PIP5K1B: variants seen among roughly 807,000 people sequenced by gnomAD.
The protein encoded by PIP5K1B is phosphatidylinositol 4-phosphate 5-kinase type-1 beta.
In PIP5K1B, 42 loss-of-function variants were observed where a neutral mutation model predicts 67.0. The ratio of observed to expected loss-of-function variants is 0.63; its 90% CI spans 0.49 to 0.81. The LOEUF is 0.81. Among genes scored for constraint, PIP5K1B ranks in the 30% least tolerant of loss-of-function variants. PIP5K1B has a pLI of 0.00. For missense variants in PIP5K1B, 459 were observed against 646.3 expected, an observed-to-expected ratio of 0.71 and a Z score of 3.14; for synonymous variants, 214 against 231.4, an observed-to-expected ratio of 0.92 and a Z score of 0.68.
intron 8 of PIP5K1B, among the ~76,000 whole-genome samples, chr9:68,901,042 C>CT (rs1230740691): frequency 6.6e-6 from 1 of 151,984 alleles, no homozygotes; most frequent in Non-Finnish European, 1.5e-5. Flanking sequence ...AGTTTATTTT[C>CT]TTTTTTTGAT....
At position 68,705,654 on chromosome 9, in the gene PIP5K1B, C is replaced by CCCCT. The variant is rs1827090310; in HGVS notation, c.-350_-349insCCTC. The CCCCT allele has an allele frequency of 6.8e-6, 1 of 147,756 alleles. No individual in the cohort carries two copies. Among genetic ancestry groups the CCCCT allele is most frequent in the Non-Finnish European group, 1.5e-5 (1 of 66,280 alleles). The allele number at this position is 147,756 out of a possible 1,614,324, so 9.2% of individuals were successfully genotyped here. The stretch of plus-strand genomic sequence containing the variant: ...CCCCTCCCGCCCCTCCCGCCCCTCG[C>CCCCT]CTGCACTGCTCTCCCTTCGCTGTGG... On this transcript the variant is annotated 5_prime_UTR_variant, in exon 1 of 16. Coordinates refer to ENST00000265382, the MANE Select transcript of PIP5K1B (RefSeq NM_003558.4).
intron 5 of PIP5K1B, among the ~76,000 whole-genome samples, chr9:68,868,586 C>A (rs561608291): frequency 6.6e-6 from 1 of 152,250 alleles, no homozygotes; most frequent in South Asian, 2.1e-4. Flanking sequence ...AATGGTATTT[C>A]TGCTTTATTG....
rs552879974 is a variant in PIP5K1B, at chr9:68,888,529, G to A, written c.319-452G>A. Among the ~76,000 whole-genome samples, 28 of 152,320 alleles carry A rather than the reference G, an allele frequency of 1.8e-4. No individual in the cohort carries two copies. In the South Asian group the frequency reaches 5.6e-3, roughly 30 times the overall value. ...CTGGGCTAGAGATACAGATGTTGAA[G>A]TCATCTCCTTGTTGAAACCATGAGT... On this transcript the variant is annotated intron_variant, in intron 6 of 15. Coordinates refer to ENST00000265382, the MANE Select transcript of PIP5K1B (RefSeq NM_003558.4).
intron 2 of PIP5K1B, among the ~76,000 whole-genome samples, chr9:68,777,324 C>T (rs75363496): frequency 7.6e-4 from 116 of 152,210 alleles, no homozygotes; most frequent in South Asian, 1.5e-3. Context: ...TAACAGAGAA[C>T]AAAACAAAGG....
intron 1 of PIP5K1B, among the ~76,000 whole-genome samples, chr9:68,718,559 C>T (rs933107131): frequency 2.2e-4 from 34 of 152,270 alleles, no homozygotes; most frequent in African/African-American, 7.5e-4. Flanking sequence ...CTATGCAGAA[C>T]CTTTGGGCAG....
At chr9:68,732,626 C>G (rs1186936399) in intron 1 of PIP5K1B, among the ~76,000 whole-genome samples, 4 of 152,182 alleles carry the variant, frequency 2.6e-5, no homozygotes, top group Non-Finnish European at 5.9e-5. Context: ...ATACGTGGGT[C>G]TGGTAAACAG....
At chr9:68,895,284 A>C (rs1170442893) in intron 8 of PIP5K1B, among the ~76,000 whole-genome samples, 2 of 152,052 alleles carry the variant, frequency 1.3e-5, no homozygotes, top group Non-Finnish European at 2.9e-5. Context: ...AAAAAAAAAA[A>C]AAACTAAGGG....
At chr9:68,954,002 C>T (rs1346958584) in intron 14 of PIP5K1B, among the ~76,000 whole-genome samples, 3 of 151,686 alleles carry the variant, frequency 2.0e-5, no homozygotes, top group Non-Finnish European at 2.9e-5. Context: ...CTAGTATATA[C>T]ATATTTACTT....
chr9:68,831,268 A>G lies in PIP5K1B; in HGVS notation c.69+8585A>G, dbSNP rs1223652304. Among the ~76,000 whole-genome samples the G allele has an allele frequency of 3.9e-5, 6 of 152,366 alleles. No homozygotes were observed. In the East Asian group the frequency reaches 1.2e-3, roughly 29 times the overall value. On this transcript the variant is annotated intron_variant, in intron 4 of 15. Transcript: ENST00000265382. Reference sequence around the variant, plus strand: ...GTGAATTGAAGCCTAATTATTACCAATCAAAAGCAATTTTAAAAGCAATGC... The same window carrying G: ...GTGAATTGAAGCCTAATTATTACCAGTCAAAAGCAATTTTAAAAGCAATGC...
At chr9:68,805,443 C>A (rs1029232149) in intron 2 of PIP5K1B, among the ~76,000 whole-genome samples, 4 of 152,312 alleles carry the variant, frequency 2.6e-5, no homozygotes, top group South Asian at 2.1e-4. Flanking sequence ...AGTGCAGGGA[C>A]TGCGTATGGT....
intron 15 of PIP5K1B, among the ~76,000 whole-genome samples, chr9:68,995,958 C>T (rs1353420515): frequency 6.6e-6 from 1 of 152,230 alleles, no homozygotes; most frequent in Non-Finnish European, 1.5e-5. Flanking sequence ...TTGGAAGCTT[C>T]TCTAGTGACT....
intron 8 of PIP5K1B, among the ~76,000 whole-genome samples, chr9:68,894,912 GTTTTC>G: frequency 6.6e-6 from 1 of 152,136 alleles, no homozygotes; most frequent in East Asian, 1.9e-4. Flanking sequence ...AGAAAGCTTT[GTTTTC>G]TTTTCTTTCT....
At chr9:68,774,921 C>T (rs1282341690) in intron 2 of PIP5K1B, among the ~76,000 whole-genome samples, 8 of 152,214 alleles carry the variant, frequency 5.3e-5, no homozygotes, top group Admixed American at 3.9e-4. Flanking sequence ...CCTTGATCAA[C>T]TTCTTCAACT....
chr9:68,938,117 C>T (rs1827365535), intron 13 of PIP5K1B, among the ~76,000 whole-genome samples: 1 of 152,138 alleles, frequency 6.6e-6, no homozygotes, highest in African/African-American at 2.4e-5. Context: ...ATTAGGTCCG[C>T]TTGGTCCAGA....
intron 2 of PIP5K1B, among the ~76,000 whole-genome samples, chr9:68,812,427 A>C (rs898526604): frequency 6.6e-6 from 1 of 152,252 alleles, no homozygotes; most frequent in Non-Finnish European, 1.5e-5. Flanking sequence ...AAGTAACTAC[A>C]TAGTCAAAAA....
chr9:68,888,690 G>T (rs977630869), intron 6 of PIP5K1B, among the ~76,000 whole-genome samples: 1 of 152,160 alleles, frequency 6.6e-6, no homozygotes, highest in African/African-American at 2.4e-5. Flanking sequence ...CAACACAACT[G>T]TTTGAATTAT....
chr9:68,954,626 C>G (rs1394006291), intron 14 of PIP5K1B, among the ~76,000 whole-genome samples: 1 of 152,196 alleles, frequency 6.6e-6, no homozygotes, highest in Admixed American at 6.5e-5. Flanking sequence ...TGATTGGTAT[C>G]TCATCATGAG....
chr9:68,824,162 A>T (rs767226687), intron 4 of PIP5K1B: 1 of 519,022 alleles, frequency 1.9e-6, no homozygotes, highest in Admixed American at 1.9e-5. Context: ...TCAAGCATGG[A>T]CCAACACAGA....
intron 5 of PIP5K1B, among the ~76,000 whole-genome samples, chr9:68,864,311 C>T (rs934029811): frequency 1.3e-5 from 2 of 152,204 alleles, no homozygotes; most frequent in Non-Finnish European, 2.9e-5. Flanking sequence ...AAGAAGGCTT[C>T]CATGAAGCAG....
Sources: gnomAD v4.1 joint callset for allele counts (sites outside exome capture counted in the v4.1 genomes callset) on GRCh38, gnomAD v4.1.1 for gene constraint, MANE v1.5 for transcripts, NCBI Gene and HGNC (gene_info 2026-07-23, HGNC 2026-07-21) for gene names.